DPP6: variants seen among roughly 807,000 people sequenced by gnomAD.
The protein encoded by DPP6 is dipeptidyl peptidase like 6, also known as A-type potassium channel modulatory protein DPP6.
DPP6 carries 69 observed loss-of-function variants against 122.6 expected under a neutral mutation model. The ratio of observed to expected loss-of-function variants is 0.56; its 90% CI spans 0.46 to 0.69. The LOEUF is 0.69. DPP6 is among the 30% of genes least tolerant of loss of function. The pLI is 0.00. For synonymous variants in DPP6, 418 were observed against 433.1 expected (o/e 0.97, Z 0.43); for missense variants, 928 against 1,116.9 (o/e 0.83, Z 2.41).
At position 154,231,430 on chromosome 7, in the gene DPP6, T is replaced by C. The variant is rs75729703; in HGVS notation, c.243+178367T>C. Among the ~76,000 whole-genome samples the C allele has an allele frequency of 7.7e-4, 118 of 152,292 alleles. 3 individuals carry two copies. In the East Asian group the frequency reaches 0.021, roughly 27 times the overall value. ...CCTCCCTAGGAATACGAGTACTTCC[T>C]TCAGTGCATCAGGCAGTATGATTAG... On this transcript the variant is annotated intron_variant, in intron 1 of 25. Transcript: ENST00000377770.
Position 154,053,151 on chromosome 7 carries a change from G to A in DPP6, c.243+88G>A, listed in dbSNP as rs574503334. ...GCGTCGGCAGGGGAAATTTTTTTTG[G>A]GGGGGGAATCAGGCGCCCTCCCCCC... On this transcript the variant is annotated intron_variant, in intron 1 of 25. Transcript: ENST00000377770. The A allele has an allele frequency of 1.0e-4, 92 of 921,708 alleles. 1 individual carries two copies. Among genetic ancestry groups the A allele is most frequent in the Non-Finnish European group, 1.1e-4 (88 of 770,374 alleles). The allele number at this position is 921,708 out of a possible 1,614,324, so 57.1% of individuals were successfully genotyped here.
At chr7:154,246,296 A>T (rs1563363755) in intron 1 of DPP6, among the ~76,000 whole-genome samples, 1 of 152,212 alleles carries the variant, frequency 6.6e-6, no homozygotes. Flanking sequence ...GAAAAAAAGG[A>T]TAAAATCAAT....
intron 5 of DPP6, among the ~76,000 whole-genome samples, chr7:154,567,666 G>C (rs1830845015): frequency 6.6e-6 from 1 of 152,202 alleles, no homozygotes; most frequent in African/African-American, 2.4e-5. Context: ...ATAAGATATA[G>C]AGTCTACTAC....
At chr7:154,305,124 CG>C (rs1052629249) in intron 1 of DPP6, 2 of 536,296 alleles carry the variant, frequency 3.7e-6, no homozygotes, top group African/African-American at 4.1e-5. Flanking sequence ...CCGTGGGCGC[CG>C]GGCCGGGAGG....
At chr7:154,127,631 A>ACACACACACACACACG (rs1490857492) in intron 1 of DPP6, among the ~76,000 whole-genome samples, 86 of 103,806 alleles carry the variant, frequency 8.3e-4, no homozygotes, top group African/African-American at 3.5e-3. Flanking sequence ...ACACACACAC[A>ACACACACACACACACG]CAGACACACA....
the DPP6 span, among the ~76,000 whole-genome samples, chr7:153,773,543 A>C: frequency 3.3e-5 from 5 of 151,682 alleles, no homozygotes; most frequent in African/African-American, 1.2e-4. Context: ...TTTAAATTAG[A>C]AATTAATATC....
chr7:154,535,260 A>T (rs1206547532), intron 3 of DPP6, among the ~76,000 whole-genome samples: 1 of 152,192 alleles, frequency 6.6e-6, no homozygotes, highest in Non-Finnish European at 1.5e-5. Context: ...AGCTAAAATT[A>T]TTAGAATTCT....
chr7:154,540,207 A>G (rs1828605584), intron 3 of DPP6, among the ~76,000 whole-genome samples: 1 of 152,208 alleles, frequency 6.6e-6, no homozygotes, highest in East Asian at 1.9e-4. Context: ...TAGTCCCTTT[A>G]CTAACAGTTG....
chr7:153,902,419 C>T (rs1159829935), intron 1 of DPP6, among the ~76,000 whole-genome samples: 5 of 152,234 alleles, frequency 3.3e-5, no homozygotes, highest in African/African-American at 1.2e-4. Context: ...GGTTCTGTCT[C>T]CCTTGATGTT....
chr7:154,789,367 G>A (rs755709583), intron 10 of DPP6, among the ~76,000 whole-genome samples: 14 of 152,312 alleles, frequency 9.2e-5, no homozygotes, highest in Non-Finnish European at 2.1e-4. Context: ...GCTGGTGTGA[G>A]CCCAGCATTT....
At chr7:154,342,572 A>T (rs1348329320) in intron 1 of DPP6, among the ~76,000 whole-genome samples, 2 of 152,198 alleles carry the variant, frequency 1.3e-5, no homozygotes, top group Non-Finnish European at 2.9e-5. Context: ...TGAAAGATTC[A>T]TCACCTTAAG....
At chr7:154,630,686 A>G (rs529482181) in intron 5 of DPP6, among the ~76,000 whole-genome samples, 2 of 152,350 alleles carry the variant, frequency 1.3e-5, no homozygotes, top group African/African-American at 4.8e-5. Context: ...ACACAAGAAC[A>G]GAAAACCAAA....
chr7:153,826,537 A>G, the DPP6 span, among the ~76,000 whole-genome samples: 9 of 152,314 alleles, frequency 5.9e-5, no homozygotes, highest in East Asian at 1.9e-4. Context: ...TTGTTTGCAT[A>G]CATATTCTGA....
intron 1 of DPP6, among the ~76,000 whole-genome samples, chr7:154,221,087 T>C (rs140747096): frequency 6.6e-6 from 1 of 152,292 alleles, no homozygotes; most frequent in Non-Finnish European, 1.5e-5. Flanking sequence ...ACCCTCGTTA[T>C]TTAATTACCC....
intron 1 of DPP6, among the ~76,000 whole-genome samples, chr7:154,219,444 C>T (rs1800180205): frequency 1.3e-5 from 2 of 152,216 alleles, no homozygotes; most frequent in Non-Finnish European, 2.9e-5. Context: ...TTTTCACACA[C>T]ATGCTCATGA....
chr7:153,883,616 G>A (rs1242923448), upstream of DPP6, among the ~76,000 whole-genome samples: 5 of 152,150 alleles, frequency 3.3e-5, no homozygotes, highest in East Asian at 5.8e-4. Flanking sequence ...CTGACCTCAG[G>A]TGGTCCACCC....
At chr7:154,088,042 C>T (rs890469993) in intron 1 of DPP6, among the ~76,000 whole-genome samples, 2 of 152,092 alleles carry the variant, frequency 1.3e-5, no homozygotes, top group Admixed American at 1.3e-4. Context: ...TCTTATGTCC[C>T]TCATTGGAAT....
At chr7:154,248,561 G>T (rs776586648) in intron 1 of DPP6, among the ~76,000 whole-genome samples, 2 of 152,292 alleles carry the variant, frequency 1.3e-5, no homozygotes, top group Middle Eastern at 6.8e-3. Flanking sequence ...GATCATGTAT[G>T]TTTGTCAAAA....
At chr7:154,193,895 C>T (rs766202708) in intron 1 of DPP6, among the ~76,000 whole-genome samples, 1 of 151,802 alleles carries the variant, frequency 6.6e-6, no homozygotes, top group Non-Finnish European at 1.5e-5. Context: ...GAGGGGTGTG[C>T]GCTGGTCTCA....
Sources: allele counts gnomAD v4.1 joint callset (sites outside exome capture counted in the v4.1 genomes callset), GRCh38; gene constraint gnomAD v4.1.1; transcripts MANE v1.5; gene names NCBI Gene and HGNC (gene_info 2026-07-23, HGNC 2026-07-21).